NAT8L: variants seen among roughly 807,000 people sequenced by gnomAD.
The protein encoded by NAT8L is N-acetylaspartate synthetase.
Under a neutral mutation model 21.2 loss-of-function variants are expected in NAT8L, and 6 were observed. The observed-to-expected ratio is 0.28, with a 90% CI of 0.16 to 0.56. NAT8L has a LOEUF of 0.56. NAT8L is among the 20% of genes least tolerant of loss of function. The pLI is 0.93. For missense variants in NAT8L, 331 were observed against 433.3 expected (o/e 0.76, Z 2.10); for synonymous variants, 239 against 204.9 (o/e 1.17, Z -1.42).
rs1016389406 is a variant in NAT8L, at chr4:2,066,250, A to C, written c.*2123A>C. On this transcript the variant is annotated 3_prime_UTR_variant, in exon 3 of 3. Transcript: ENST00000423729. ...GTCCTGGGCAGTGTGGCCTTCTCTC[A>C]TTCTGGTGGCATCTGCGCCCGTGAG... The C allele has an allele frequency of 1.3e-5, 2 of 152,140 alleles. No homozygotes were observed. Among genetic ancestry groups the C allele is most frequent in the East Asian group, 3.9e-4 (2 of 5,152 alleles). The allele number at this position is 152,140 out of a possible 1,614,324, so 9.4% of individuals were successfully genotyped here. A position where few individuals can be genotyped will look rare whatever the true frequency, so the allele number is the denominator to read the frequency against.
chr4:2,061,905 GGTCA>G (rs1252408987), intron 2 of NAT8L, among the ~76,000 whole-genome samples: 3 of 152,122 alleles, frequency 2.0e-5, no homozygotes, highest in Admixed American at 2.0e-4. Flanking sequence ...TCAGGAGCCC[GGTCA>G]GTGTCAGGGG....
At position 2,061,155 on chromosome 4, in the gene NAT8L, G is replaced by A. The variant is rs942754156; in HGVS notation, c.534G>A (p.Lys178=). The change falls in exon 2 of 3, where the codon AAG becomes AAA. Residue 178 remains lysine (K), a synonymous_variant. Coordinates refer to ENST00000423729, the MANE Select transcript of NAT8L (RefSeq NM_178557.4). The part of the protein sequence containing the change: ...DMADIEQYYM[K]PPGSCFWVAV... Reference sequence around the variant, plus strand: ...CGGACATCGAGCAGTACTACATGAAGCCGCCCGGTGAGTCCCGCTCCCGCC... The same window carrying A: ...CGGACATCGAGCAGTACTACATGAAACCGCCCGGTGAGTCCCGCTCCCGCC... 1.9e-6 allele frequency: 3 copies of A among 1,610,532 alleles called. No individual in the cohort carries two copies. Among genetic ancestry groups the A allele is most frequent in the Non-Finnish European group, 2.5e-6 (3 of 1,178,768 alleles).
At chr4:2,063,367 G>A (rs1729929010) in intron 2 of NAT8L, among the ~76,000 whole-genome samples, 1 of 152,272 alleles carries the variant, frequency 6.6e-6, no homozygotes, top group South Asian at 2.1e-4. Flanking sequence ...GCTGGGCAGA[G>A]GGCAGCGGCC....
rs1418093231 is a variant in NAT8L, at chr4:2,066,484, G to T, written c.*2357G>T. 1 of 151,670 alleles carries T rather than the reference G, an allele frequency of 6.6e-6. No individual in the cohort carries two copies. Among genetic ancestry groups the T allele is most frequent in the African/African-American group, 2.4e-5 (1 of 41,250 alleles). 9.4% of individuals were successfully genotyped at this position (151,670 alleles called of 1,614,324 possible). A position where few individuals can be genotyped will look rare whatever the true frequency, so the allele number is the denominator to read the frequency against. ...CCTTGCCAGGCCAATGTGTAGCTTG[G>T]TGGCGCCCTTGAAGGCCACTGGGGG... is the stretch of plus-strand genomic sequence containing the variant. On this transcript the variant is annotated 3_prime_UTR_variant, in exon 3 of 3. Coordinates refer to ENST00000423729, the MANE Select transcript of NAT8L (RefSeq NM_178557.4).
At position 2,059,466 on chromosome 4, in the gene NAT8L, C is replaced by CCGCCGCCCGGCCGCGTCCCCGCTGCCG. The variant is rs1246632802; in HGVS notation, c.-32_-6dup. ...CTTGCCCTGGGCCCGGCCGTGCCCG[C>CCGCCGCCCGGCCGCGTCCCCGCTGCCG]CGCCGCCCGGCCGCGTCCCCGCTGC... is the stretch of plus-strand genomic sequence containing the variant. On this transcript the variant is annotated 5_prime_UTR_variant, in exon 1 of 3. Coordinates refer to ENST00000423729, the MANE Select transcript of NAT8L (RefSeq NM_178557.4). This position sits in a 1 kb window ranked among gnomAD's most constrained non-coding sequence, Gnocchi z 4.8. 5 of 922,404 alleles carry CCGCCGCCCGGCCGCGTCCCCGCTGCCG rather than the reference C, an allele frequency of 5.4e-6. No individual in the cohort carries two copies. The highest frequency in any genetic ancestry group is 1.8e-5 in the African/African-American group (1 of 54,858). The allele number at this position is 922,404 out of a possible 1,614,324, so 57.1% of individuals were successfully genotyped here. A position where few individuals can be genotyped will look rare whatever the true frequency, so the allele number is the denominator to read the frequency against.
chr4:2,061,274 GC>G (rs1729854140), intron 2 of NAT8L, 112 bp downstream of exon 2: 5 of 1,524,152 alleles, frequency 3.3e-6, no homozygotes, highest in Non-Finnish European at 4.4e-6. Context: ...GTGGGCCTGA[GC>G]CGGGGCCCCT....
chr4:2,062,627 G>T (rs1207115111), intron 2 of NAT8L, among the ~76,000 whole-genome samples: 1 of 152,008 alleles, frequency 6.6e-6, no homozygotes, highest in Admixed American at 6.5e-5. Context: ...TCCCCCCCAC[G>T]CTGCTTCTCC....
Position 2,063,965 on chromosome 4 carries a change from G to C in NAT8L, c.747G>C (p.Thr249=), listed in dbSNP as rs368355441. The change falls in exon 3 of 3, where the codon ACG becomes ACC. Residue 249 remains threonine, a synonymous_variant. Transcript: ENST00000423729. ...HNYSAVVLGT[T]AVKVAAHKLY... is the part of the protein sequence containing the mutation. ...ACTCCGCGGTGGTGCTGGGCACGAC[G>C]GCCGTCAAGGTGGCCGCCCACAAGC... 8 of 1,611,524 alleles carry C rather than the reference G, an allele frequency of 5.0e-6. No homozygotes were observed. Among genetic ancestry groups the C allele is most frequent in the Admixed American group, 1.7e-5 (1 of 59,946 alleles).
At position 2,062,302 on chromosome 4, in the gene NAT8L, G is replaced by A. The variant is rs958810802; in HGVS notation, c.541+1140G>A. 3.9e-5 allele frequency among the ~76,000 whole-genome samples: 6 copies of A among 152,276 alleles called. No individual in the cohort carries two copies. In the South Asian group the frequency reaches 1.0e-3, roughly 26 times the overall value. ...AACCGAGTCTTGGGAGGAGTGAGGT[G>A]TGCCCAGGGCCACATGGTGCTGGGG... On this transcript the variant is annotated intron_variant, in intron 2 of 2. Coordinates refer to ENST00000423729, the MANE Select transcript of NAT8L (RefSeq NM_178557.4).
rs1729816505 is a variant in NAT8L, at chr4:2,059,800, G to C, written c.289G>C (p.Asp97His). ...EQEAARRIFY[D>H]GIMERIPNTA... is the part of the protein sequence containing the mutation. ...GGAGGCGGCGCGCCGCATCTTCTAC[G>C]ACGGCATCATGGAGCGCATCCCTAA... Residue 97 changes from aspartate (D) to histidine (H), a missense_variant, in exon 1 of 3, where the codon GAC becomes CAC. Physicochemically the swap from Asp to His is moderately conservative, Grantham distance 81. Coordinates refer to ENST00000423729, the MANE Select transcript of NAT8L (RefSeq NM_178557.4). The surrounding 1 kb of genome is among the most constrained non-coding windows in gnomAD (Gnocchi z 4.8). The C allele has an allele frequency of 7.2e-7, 1 of 1,384,100 alleles. No individual in the cohort carries two copies. Among genetic ancestry groups the C allele is most frequent in the Non-Finnish European group, 9.4e-7 (1 of 1,059,138 alleles). The allele number at this position is 1,384,100 out of a possible 1,614,324, so 85.7% of individuals were successfully genotyped here. A position where few individuals can be genotyped will look rare whatever the true frequency, so the allele number is the denominator to read the frequency against.
rs1182914582 is a variant in NAT8L at position 2,067,620 on chromosome 4, T to G, written c.*3493T>G. 2 of 152,386 alleles carry G rather than the reference T, an allele frequency of 1.3e-5. No individual in the cohort carries two copies. The highest frequency in any genetic ancestry group is 4.8e-5 in the African/African-American group (2 of 41,442). The allele number at this position is 152,386 out of a possible 1,614,324, so 9.4% of individuals were successfully genotyped here. A position where few individuals can be genotyped will look rare whatever the true frequency, so the allele number is the denominator to read the frequency against. The stretch of plus-strand genomic sequence containing the variant: ...GTGCTGGTGGCCTGAGGCTGGGAAC[T>G]TGGGTTCCTGGGCTCTGCTGGCGCC... On this transcript the variant is annotated 3_prime_UTR_variant, in exon 3 of 3. Transcript: ENST00000423729.
At chr4:2,061,865 A>T (rs538799220) in intron 2 of NAT8L, among the ~76,000 whole-genome samples, 3 of 151,934 alleles carry the variant, frequency 2.0e-5, no homozygotes, top group African/African-American at 4.8e-5. Flanking sequence ...AGAGGGACAG[A>T]GTGTGGCCCA....
Position 2,064,955 on chromosome 4 carries a change from A to C in NAT8L, c.*828A>C, listed in dbSNP as rs912090165. On this transcript the variant is annotated 3_prime_UTR_variant, in exon 3 of 3. Coordinates refer to ENST00000423729, the MANE Select transcript of NAT8L (RefSeq NM_178557.4). ...TGGCCTCTCCCAGATGTCCCCGGGG[A>C]CCTCCTGCCTCTGGCTGACGGTCCA... The C allele has an allele frequency of 2.6e-5, 4 of 150,976 alleles. No homozygotes were observed. Among genetic ancestry groups the C allele is most frequent in the Admixed American group, 1.3e-4 (2 of 15,164 alleles). 9.4% of individuals were successfully genotyped at this position (150,976 alleles called of 1,614,324 possible). A position where few individuals can be genotyped will look rare whatever the true frequency, so the allele number is the denominator to read the frequency against.
rs964063670 is a variant in NAT8L at position 2,060,687 on chromosome 4, C to T, written c.377-311C>T. On this transcript the variant is annotated intron_variant, in intron 1 of 2. Coordinates refer to ENST00000423729, the MANE Select transcript of NAT8L (RefSeq NM_178557.4). The surrounding 1 kb of genome is among the most constrained non-coding windows in gnomAD (Gnocchi z 4.7). Reference sequence around the variant, plus strand: ...CTGCGGGGCAGCTCCCTGCCAGGATCTGCCCACCTTGGCTTCAGTAGGCCA... The same window carrying T: ...CTGCGGGGCAGCTCCCTGCCAGGATTTGCCCACCTTGGCTTCAGTAGGCCA... Among the ~76,000 whole-genome samples the T allele has an allele frequency of 1.3e-5, 2 of 151,830 alleles. No individual in the cohort carries two copies. Among genetic ancestry groups the T allele is most frequent in the African/African-American group, 4.8e-5 (2 of 41,372 alleles).
At position 2,063,668 on chromosome 4, in the gene NAT8L, G is replaced by A. The variant is rs1729934307; in HGVS notation, c.542-92G>A. 2.5e-6 allele frequency: 4 copies of A among 1,594,022 alleles called. No homozygotes were observed. In the South Asian group the frequency reaches 4.4e-5, roughly 18 times the overall value. ...CCCTGGCTTGGTGTCCAGCTGGAGG[G>A]GGCAGTGCCAAGGGCCCTGTCTCAC... On this transcript the variant is annotated intron_variant, in intron 2 of 2. Coordinates refer to ENST00000423729, the MANE Select transcript of NAT8L (RefSeq NM_178557.4).
At chr4:2,062,604 G>T (rs566540651) in intron 2 of NAT8L, among the ~76,000 whole-genome samples, 1 of 152,046 alleles carries the variant, frequency 6.6e-6, no homozygotes, top group Admixed American at 6.5e-5. Context: ...CGATGGCAGC[G>T]GTGCCCAGTG....
In NAT8L at chr4:2,059,991, C is replaced by T. The variant is rs1729821104; in HGVS notation, c.376+104C>T. On this transcript the variant is annotated intron_variant, in intron 1 of 2. Transcript: ENST00000423729. The surrounding 1 kb of genome is among the most constrained non-coding windows in gnomAD (Gnocchi z 4.8). ...CCGCGCCCGGCTCCCGGGGACCAGC[C>T]TGGGAAGCCCCCCGCTTTCTGCCGC... The T allele has an allele frequency of 1.6e-6, 1 of 630,794 alleles. No homozygotes were observed. Among genetic ancestry groups the T allele is most frequent in the East Asian group, 5.8e-5 (1 of 17,150 alleles). 39.1% of individuals were successfully genotyped at this position (630,794 alleles called of 1,614,324 possible).
At chr4:2,061,914 CAG>C (rs1729900319) in intron 2 of NAT8L, among the ~76,000 whole-genome samples, 1 of 152,128 alleles carries the variant, frequency 6.6e-6, no homozygotes, top group Admixed American at 6.5e-5. Flanking sequence ...CGGTCAGTGT[CAG>C]GGGAGGGGCA....
In NAT8L at chr4:2,063,898, C is replaced by T. The variant is rs1729939378; in HGVS notation, c.680C>T (p.Ala227Val). 6.2e-7 allele frequency: 1 copy of T among 1,612,348 alleles called. No individual in the cohort carries two copies. ...TTCCGAGGCAAGGGCATCGCCAAGG[C>T]GCTGGGCCGGAAGGTGCTGGAGTTC... is the stretch of plus-strand genomic sequence containing the variant. ...SRFRGKGIAKALGRKVLEFAV... is the reference protein window; with the variant it reads ...SRFRGKGIAKVLGRKVLEFAV... Residue 227 changes from alanine to valine, a missense_variant, in exon 3 of 3, where the codon GCG (alanine) becomes GTG (valine). This residue lies in a region of NAT8L where 132 missense variants were observed against 237.1 expected (regional missense o/e 0.56). Transcript: ENST00000423729.
Sources: allele counts gnomAD v4.1 joint callset (sites outside exome capture counted in the v4.1 genomes callset), GRCh38; gene constraint gnomAD v4.1.1; regional missense constraint gnomAD v4.1.1; non-coding constraint Gnocchi (gnomAD v3.1); transcripts MANE v1.5; gene names NCBI Gene and HGNC (gene_info 2026-07-23, HGNC 2026-07-21).